Variants in HMCN1 observed in about 807,000 individuals in gnomAD.
HMCN1 encodes hemicentin-1.
In HMCN1, 321 loss-of-function variants were observed where a neutral mutation model predicts 625.9. The observed-to-expected ratio is 0.51, with a 90% CI of 0.47 to 0.56. The LOEUF (loss-of-function observed/expected upper bound fraction) is 0.56, where lower values mean the gene tolerates loss of function less well. Among genes scored for constraint, HMCN1 ranks in the 20% least tolerant of loss-of-function variants. The pLI, the probability that HMCN1 is intolerant of heterozygous loss-of-function variation, is 0.00. For synonymous variants in HMCN1, 2,425 were observed against 2,417.6 expected, an observed-to-expected ratio of 1.00 and a Z score of -0.09; for missense variants, 6,588 against 6,887.3, an observed-to-expected ratio of 0.96 and a Z score of 1.54.
At chr1:186,147,046 C>T (rs897710645) in intron 93 of HMCN1, among the ~76,000 whole-genome samples, 3 of 152,154 alleles carry the variant, frequency 2.0e-5, no homozygotes, top group African/African-American at 7.2e-5. Flanking sequence ...AGGATAAGAA[C>T]CAAAATGGCC....
Position 186,016,114 on chromosome 1 carries a change from G to C in HMCN1, c.5066G>C (p.Arg1689Pro). 1 of 1,613,390 alleles carries C rather than the reference G, an allele frequency of 6.2e-7. No individual in the cohort carries two copies. The highest frequency in any genetic ancestry group is 8.5e-7 in the Non-Finnish European group (1 of 1,179,574). Residue 1689 changes from arginine to proline, a missense_variant, in exon 32 of 107, where the codon CGC (arginine) becomes CCC (proline). Around this residue, in one of 3 missense-constraint regions of HMCN1, gnomAD observed 4,628 missense variants for 4,853.1 expected, o/e 0.95. Transcript: ENST00000271588. ...CCTGTGAAAGCTAATGACAATATCC[G>C]CATAGAAGCTGGTGGGAAGAAACTC... The part of the protein sequence containing the change: ...GVPVKANDNI[R>P]IEAGGKKLEI...
chr1:186,088,407 G>A, intron 62 of HMCN1, 131 bp downstream of exon 62: 1 of 1,443,096 alleles, frequency 6.9e-7, no homozygotes, highest in Non-Finnish European at 9.5e-7. Context: ...CTAACGCACT[G>A]AAATACAGAT....
At position 185,865,757 on chromosome 1, in the gene HMCN1, C is replaced by A; in HGVS notation, c.515C>A (p.Thr172Asn). The change falls in exon 4 of 107, where the codon ACT (threonine) becomes AAT (asparagine). Residue 172 changes from threonine (T) to asparagine (N), a missense_variant. Physicochemically the swap from Thr to Asn is moderately conservative, Grantham distance 65. This residue lies in a region of HMCN1 where 4,628 missense variants were observed against 4,853.1 expected (regional missense o/e 0.95). Coordinates refer to ENST00000271588, the MANE Select transcript of HMCN1 (RefSeq NM_031935.3). ...TAATCATAGGTCGTATTTGTTCTGACTGGAGATTGTGATGACAGGACCCAT... is the reference window on the plus strand; with the variant it reads ...TAATCATAGGTCGTATTTGTTCTGAATGGAGATTGTGATGACAGGACCCAT... ...QKQSQVVFVL[T>N]GDCDDRTHIG... 1.2e-6 allele frequency: 2 copies of A among 1,606,694 alleles called. No individual in the cohort carries two copies. The highest frequency in any genetic ancestry group is 8.5e-7 in the Non-Finnish European group (1 of 1,175,832).
intron 4 of HMCN1, among the ~76,000 whole-genome samples, chr1:185,868,860 C>A (rs947322317): frequency 6.6e-6 from 1 of 152,230 alleles, no homozygotes; most frequent in African/African-American, 2.4e-5. Flanking sequence ...ACTTAACCCA[C>A]TGGCTTGTTG....
At chr1:185,929,510 C>CT (rs1362261787) in intron 10 of HMCN1, among the ~76,000 whole-genome samples, 1 of 152,138 alleles carries the variant, frequency 6.6e-6, no homozygotes, top group African/African-American at 2.4e-5. Flanking sequence ...GAATGATTTT[C>CT]TACCTGCCTT....
chr1:185,906,068 A>G (rs532358812), intron 4 of HMCN1, among the ~76,000 whole-genome samples: 17 of 151,880 alleles, frequency 1.1e-4, no homozygotes, highest in Non-Finnish European at 1.9e-4. Context: ...TTTTTTCTTT[A>G]TAATAGAAGA....
rs1485994260 is a variant in HMCN1, at chr1:186,023,239, T to C, written c.5749+86T>C. 6 of 1,182,214 alleles carry C rather than the reference T, an allele frequency of 5.1e-6. No homozygotes were observed. In the Admixed American group the frequency reaches 1.1e-4, roughly 21 times the overall value. 73.2% of individuals were successfully genotyped at this position (1,182,214 alleles called of 1,614,324 possible). A position where few individuals can be genotyped will look rare whatever the true frequency, so the allele number is the denominator to read the frequency against. On this transcript the variant is annotated intron_variant, in intron 36 of 106. Coordinates refer to ENST00000271588, the MANE Select transcript of HMCN1 (RefSeq NM_031935.3). ...GGCTCATTTTTATTGAATTACAGTA[T>C]AAAAGAAACAGGTGTTTATTTTCTT...
chr1:185,736,384 G>A (rs1371033083), intron 1 of HMCN1, among the ~76,000 whole-genome samples: 1 of 151,848 alleles, frequency 6.6e-6, no homozygotes, highest in Non-Finnish European at 1.5e-5. Flanking sequence ...TGTGTTTACT[G>A]TCTTAGACAC....
chr1:185,787,269 G>T (rs949258735), intron 1 of HMCN1, among the ~76,000 whole-genome samples: 7 of 152,014 alleles, frequency 4.6e-5, no homozygotes, highest in African/African-American at 1.5e-4. Flanking sequence ...GGAATGAGAA[G>T]AATTAGATTA....
At position 186,117,110 on chromosome 1, in the gene HMCN1, T is replaced by G. The variant is rs764035392; in HGVS notation, c.11678T>G (p.Val3893Gly). 1 of 1,613,322 alleles carries G rather than the reference T, an allele frequency of 6.2e-7. No homozygotes were observed. Among genetic ancestry groups the G allele is most frequent in the Admixed American group, 1.7e-5 (1 of 60,008 alleles). The change falls in exon 76 of 107, where the codon GTC becomes GGC. Residue 3893 changes from valine (V) to glycine (G), a missense_variant. Coordinates refer to ENST00000271588, the MANE Select transcript of HMCN1 (RefSeq NM_031935.3). ...GDDKRTVDLT[V>G]QVPPSIADEP... ...GATAAAAGAACTGTGGATCTCACTG[T>G]CCAAGGTAGAATTGGCTTGGAACAT... is the stretch of plus-strand genomic sequence containing the variant.
At chr1:186,073,157 G>A (rs749458957) in intron 52 of HMCN1, among the ~76,000 whole-genome samples, 2 of 152,088 alleles carry the variant, frequency 1.3e-5, no homozygotes, top group Non-Finnish European at 2.9e-5. Flanking sequence ...ATTTAAAGTT[G>A]GGGAGCAGGG....
rs191294723 is a variant in HMCN1 at position 186,119,402 on chromosome 1, T to C, written c.11956+104T>C. On this transcript the variant is annotated intron_variant, in intron 78 of 106. Coordinates refer to ENST00000271588, the MANE Select transcript of HMCN1 (RefSeq NM_031935.3). The stretch of plus-strand genomic sequence containing the variant: ...AGGTACTGTCGAGAGCTATGAACCA[T>C]AGTAATATCTTGGGGATATGAAAGC... The C allele has an allele frequency of 3.1e-4, 272 of 886,442 alleles. 1 individual carries two copies. In the East Asian group the frequency reaches 4.2e-3, roughly 14 times the overall value. 54.9% of individuals were successfully genotyped at this position (886,442 alleles called of 1,614,324 possible). A position where few individuals can be genotyped will look rare whatever the true frequency, so the allele number is the denominator to read the frequency against.
chr1:186,165,268 T>A, intron 98 of HMCN1, 95 bp downstream of exon 98: 1 of 1,045,258 alleles, frequency 9.6e-7, no homozygotes, highest in Non-Finnish European at 1.5e-6. Flanking sequence ...ACTAGGTATT[T>A]AATCTTCACA....
chr1:186,112,675 A>G, intron 71 of HMCN1, 137 bp from the exon 72 acceptor site: 1 of 1,050,830 alleles, frequency 9.5e-7, no homozygotes, highest in Non-Finnish European at 1.4e-6. Context: ...TACTACGAAA[A>G]TGGTGGAGGA....
At chr1:185,745,177 C>T (rs1239744633) in intron 1 of HMCN1, among the ~76,000 whole-genome samples, 1 of 152,128 alleles carries the variant, frequency 6.6e-6, no homozygotes, top group Non-Finnish European at 1.5e-5. Flanking sequence ...TGATAGTAAG[C>T]TCCTTATACA....
At chr1:186,180,883 C>G (rs1358931400) in intron 104 of HMCN1, among the ~76,000 whole-genome samples, 1 of 150,254 alleles carries the variant, frequency 6.7e-6, no homozygotes, top group Non-Finnish European at 1.5e-5. Flanking sequence ...TATTACACAA[C>G]AAGACCAACT....
chr1:186,053,854 C>G lies in HMCN1; in HGVS notation c.6730C>G (p.Arg2244Gly), dbSNP rs373249075. Residue 2244 changes from arginine to glycine, a missense_variant, in exon 44 of 107, where the codon CGA (arginine) becomes GGA (glycine). Arg to Gly is a moderately radical substitution (Grantham distance 125). Around this residue, in one of 3 missense-constraint regions of HMCN1, gnomAD observed 4,628 missense variants for 4,853.1 expected, o/e 0.95. Transcript: ENST00000271588. ...TCCAGTGCTGACTGATTCCATGGGGCGAGTTAGAATTTTATCTGGGGGCAG... is the reference window on the plus strand; with the variant it reads ...TCCAGTGCTGACTGATTCCATGGGGGGAGTTAGAATTTTATCTGGGGGCAG... ...GSPVLTDSMG[R>G]VRILSGGRQL... 1 of 1,612,366 alleles carries G rather than the reference C, an allele frequency of 6.2e-7. No individual in the cohort carries two copies. The highest frequency in any genetic ancestry group is 1.3e-5 in the African/African-American group (1 of 74,778).
chr1:185,875,007 T>C (rs1186989570), intron 4 of HMCN1, among the ~76,000 whole-genome samples: 1 of 151,794 alleles, frequency 6.6e-6, no homozygotes, highest in African/African-American at 2.4e-5. Flanking sequence ...ATACAATAAA[T>C]TTAAATAATA....
chr1:185,845,678 G>A (rs560423447), intron 1 of HMCN1, among the ~76,000 whole-genome samples: 1 of 152,164 alleles, frequency 6.6e-6, no homozygotes, highest in Admixed American at 6.6e-5. Flanking sequence ...AATTATAGAC[G>A]AATAAGTGAT....
Sources: allele counts gnomAD v4.1 joint callset (sites outside exome capture counted in the v4.1 genomes callset), GRCh38; gene constraint gnomAD v4.1.1; regional missense constraint gnomAD v4.1.1; transcripts MANE v1.5; gene names NCBI Gene and HGNC (gene_info 2026-07-23, HGNC 2026-07-21).